GSDME: variants seen among roughly 807,000 people sequenced by gnomAD.
GSDME encodes gasdermin E.
GSDME carries 44 observed loss-of-function variants against 47.5 expected under a neutral mutation model. The observed-to-expected ratio is 0.93, with a 90% CI of 0.73 to 1.19. GSDME has a LOEUF of 1.19. Ranked by LOEUF, GSDME falls within the 50% of genes most tolerant of loss-of-function variation. The pLI, the probability that GSDME is intolerant of heterozygous loss-of-function variation, is 0.00. For synonymous variants in GSDME, 258 were observed against 252.8 expected (o/e 1.02, Z -0.20); for missense variants, 663 against 604.2 (o/e 1.10, Z -1.02).
chr7:24,770,904 AACTGG>A, the GSDME span, among the ~76,000 whole-genome samples: 424 of 152,170 alleles, frequency 2.8e-3, 2 homozygotes, highest in African/African-American at 9.9e-3. The surrounding 1 kb of genome is among the most constrained non-coding windows in gnomAD (Gnocchi z 4.6). Context: ...AATATTCCCA[AACTGG>A]GACAACTGCA....
At chr7:24,704,682 G>C (rs1789020490) in intron 8 of GSDME, 1 of 151,586 alleles carries the variant, frequency 6.6e-6, no homozygotes, top group Non-Finnish European at 1.5e-5. Context: ...CACATTATGT[G>C]TCAACTGCGT....
intron 9 of GSDME, among the ~76,000 whole-genome samples, chr7:24,701,208 TTAAA>T (rs948772644): frequency 2.6e-5 from 4 of 152,222 alleles, no homozygotes; most frequent in African/African-American, 9.6e-5. Context: ...CCTCGATGTC[TTAAA>T]TAGAGCTATT....
chr7:24,766,243 TATACTCATTC>T, the GSDME span, among the ~76,000 whole-genome samples: 1 of 151,552 alleles, frequency 6.6e-6, no homozygotes. The surrounding 1 kb of genome is among the most constrained non-coding windows in gnomAD (Gnocchi z 4.2). Context: ...ACAGTCAGCC[TATACTCATTC>T]ATTTTGCTTT....
intron 9 of GSDME, 95 bp from the exon 10 acceptor site, chr7:24,699,354 A>G (rs1788768206): frequency 2.2e-6 from 2 of 901,832 alleles, no homozygotes; most frequent in Admixed American, 3.9e-5. Flanking sequence ...GGGGGAAAAA[A>G]CTTTTTGAGA....
chr7:24,791,110 C>T, the GSDME span, among the ~76,000 whole-genome samples: 58 of 152,088 alleles, frequency 3.8e-4, no homozygotes, highest in Non-Finnish European at 5.6e-4. This position sits in a 1 kb window ranked among gnomAD's most constrained non-coding sequence, Gnocchi z 4.8. Flanking sequence ...TCAGGTGCTG[C>T]GGGTTTCATG....
chr7:24,700,602 C>T (rs557120453), intron 9 of GSDME, among the ~76,000 whole-genome samples: 23 of 152,184 alleles, frequency 1.5e-4, no homozygotes, highest in Non-Finnish European at 2.6e-4. Context: ...GGGTAGCACT[C>T]ACTGGAATGT....
the GSDME span, among the ~76,000 whole-genome samples, chr7:24,783,404 T>C: frequency 3.3e-5 from 5 of 152,112 alleles, no homozygotes; most frequent in African/African-American, 4.8e-5. Flanking sequence ...GCTCCAGAAA[T>C]GGCAGCAACC....
chr7:24,749,497 CAAAA>C (rs66692319), intron 2 of GSDME, 63 bp downstream of exon 2: 3,094 of 1,087,696 alleles, frequency 2.8e-3, no homozygotes, highest in Non-Finnish European at 3.3e-3. Context: ...GACTCTGTGT[CAAAA>C]AAAAAAAAAA....
At chr7:24,787,559 C>A in the GSDME span, among the ~76,000 whole-genome samples, 3 of 151,874 alleles carry the variant, frequency 2.0e-5, no homozygotes, top group African/African-American at 7.3e-5. This position sits in a 1 kb window ranked among gnomAD's most constrained non-coding sequence, Gnocchi z 5.0. Flanking sequence ...CTGCTTATGT[C>A]GATATACCTT....
At chr7:24,755,588 T>C (rs1342235644) in intron 1 of GSDME, among the ~76,000 whole-genome samples, 6 of 152,240 alleles carry the variant, frequency 3.9e-5, no homozygotes, top group Non-Finnish European at 7.3e-5. Context: ...AACCAACTTA[T>C]TGAACTGACA....
intron 2 of GSDME, among the ~76,000 whole-genome samples, chr7:24,747,696 G>C (rs181711093): frequency 8.9e-4 from 135 of 151,842 alleles, no homozygotes; most frequent in Middle Eastern, 3.4e-3. Flanking sequence ...TTTGGAGACA[G>C]GGACTCTGTT....
rs1299368245 is a variant in GSDME, at chr7:24,724,481, G to A, written c.405-5263C>T. ...GGCAGGCTCCTTGTTCTTCCTGGCGGGGGCGGCAACGTGAAAGCAAGAACA... is the reference window on the plus strand; with the variant it reads ...GGCAGGCTCCTTGTTCTTCCTGGCGAGGGCGGCAACGTGAAAGCAAGAACA... On this transcript the variant is annotated intron_variant, in intron 3 of 9. Transcript: ENST00000645220. This position sits in a 1 kb window ranked among gnomAD's most constrained non-coding sequence, Gnocchi z 4.8. Among the ~76,000 whole-genome samples, 2 of 152,196 alleles carry A rather than the reference G, an allele frequency of 1.3e-5. No homozygotes were observed. Among genetic ancestry groups the A allele is most frequent in the Non-Finnish European group, 2.9e-5 (2 of 68,044 alleles).
chr7:24,780,825 A>G, the GSDME span, among the ~76,000 whole-genome samples: 49 of 152,250 alleles, frequency 3.2e-4, no homozygotes, highest in South Asian at 9.1e-3. The surrounding 1 kb of genome is among the most constrained non-coding windows in gnomAD (Gnocchi z 4.1). Flanking sequence ...TAGGATCTAG[A>G]AGATTGGTTC....
intron 3 of GSDME, among the ~76,000 whole-genome samples, chr7:24,740,048 A>T (rs895964112): frequency 2.6e-5 from 4 of 151,550 alleles, no homozygotes; most frequent in African/African-American, 7.3e-5. Flanking sequence ...AGCCAAGATT[A>T]TACCACTGCA....
chr7:24,699,355 C>CTTTT, intron 9 of GSDME, 96 bp from the exon 10 acceptor site: 1 of 902,734 alleles, frequency 1.1e-6, no homozygotes, highest in Non-Finnish European at 1.8e-6. Flanking sequence ...GGGGAAAAAA[C>CTTTT]TTTTTGAGAT....
At chr7:24,704,759 C>CCATAGTT (rs1342004080) in intron 8 of GSDME, 3 of 151,960 alleles carry the variant, frequency 2.0e-5, no homozygotes, top group Non-Finnish European at 4.4e-5. Context: ...GCAATGGCGT[C>CCATAGTT]CATAGTTCAC....
chr7:24,708,155 TCATCAAATAGGACC>T lies in GSDME; in HGVS notation c.948_961del (p.Val317Ter), dbSNP rs767678847. On this transcript the variant is annotated frameshift_variant, in exon 7 of 10. Coordinates refer to ENST00000645220, the MANE Select transcript of GSDME (RefSeq NM_001127453.2). LOFTEE classifies it high-confidence loss of function. ...TGGTTCCAGGACCATGAGTAGTTCA[TCATCAAATAGGACC>T]GCCTGGAAGATGTCACTCAAAGCTG... The T allele has an allele frequency of 6.2e-7, 1 of 1,614,120 alleles. No homozygotes were observed. Among genetic ancestry groups the T allele is most frequent in the African/African-American group, 1.3e-5 (1 of 75,018 alleles).
the GSDME span, among the ~76,000 whole-genome samples, chr7:24,770,872 G>C: frequency 9.4e-5 from 14 of 148,410 alleles, no homozygotes; most frequent in African/African-American, 3.0e-4. This position sits in a 1 kb window ranked among gnomAD's most constrained non-coding sequence, Gnocchi z 4.6. Context: ...AAGAAAAAAG[G>C]CTGAAAAAAA....
At chr7:24,717,069 C>T (rs1562695645) in intron 5 of GSDME, 185 bp downstream of exon 5, 1 of 675,824 alleles carries the variant, frequency 1.5e-6, no homozygotes, top group East Asian at 2.8e-5. Context: ...CCTCACCACA[C>T]CCCTCCCCCA....
Sources: gnomAD v4.1 joint callset for allele counts (sites outside exome capture counted in the v4.1 genomes callset) on GRCh38, gnomAD v4.1.1 for gene constraint, Gnocchi (gnomAD v3.1) non-coding constraint, MANE v1.5 for transcripts, NCBI Gene and HGNC (gene_info 2026-07-23, HGNC 2026-07-21) for gene names.